The following CHRNA7 variants were observed in gnomAD, a reference collection of about 807,000 sequenced individuals.
CHRNA7 encodes the protein cholinergic receptor nicotinic alpha 7 subunit.
In CHRNA7, 17 loss-of-function variants were observed where a neutral mutation model predicts 48.0. That is an observed-to-expected ratio of 0.35 (90% CI 0.24 to 0.53). The LOEUF (loss-of-function observed/expected upper bound fraction) is 0.53. CHRNA7 is among the 20% of genes least tolerant of loss of function. CHRNA7 has a pLI of 0.92. For synonymous variants in CHRNA7, 75 were observed against 242.3 expected (o/e 0.31, Z 6.41); for missense variants, 155 against 577.7 (o/e 0.27, Z 7.50).
chr15:32,119,034 C>T (rs1201380393), intron 4 of CHRNA7, among the ~76,000 whole-genome samples: 2 of 151,900 alleles, frequency 1.3e-5, no homozygotes, highest in Admixed American at 6.6e-5. Flanking sequence ...AAAGACACCT[C>T]GGTTCCTACA....
intron 2 of CHRNA7, among the ~76,000 whole-genome samples, chr15:32,048,836 T>G (rs932991489): frequency 1.3e-5 from 2 of 151,996 alleles, no homozygotes; most frequent in Non-Finnish European, 2.9e-5. Flanking sequence ...TAGACACTGC[T>G]TTGAATGCAT....
At chr15:32,086,053 A>G (rs72713579) in intron 2 of CHRNA7, among the ~76,000 whole-genome samples, 12,798 of 152,160 alleles carry the variant, frequency 0.084, 711 homozygotes, top group African/African-American at 0.14. Context: ...CTCCCTTGTA[A>G]TATCTTCAAG....
At chr15:32,113,084 G>A (rs1262986765) in intron 4 of CHRNA7, among the ~76,000 whole-genome samples, 2 of 152,070 alleles carry the variant, frequency 1.3e-5, no homozygotes, top group African/African-American at 4.8e-5. Flanking sequence ...GTTTGCCAAG[G>A]CTGCTGTAAC....
At chr15:32,034,811 A>G (rs191799593) in intron 2 of CHRNA7, among the ~76,000 whole-genome samples, 1 of 152,350 alleles carries the variant, frequency 6.6e-6, no homozygotes, top group Non-Finnish European at 1.5e-5. Context: ...CTGTTATTCA[A>G]CAGGCTCCTT....
chr15:32,152,725 G>C (rs2051656869), intron 4 of CHRNA7, among the ~76,000 whole-genome samples: 1 of 152,186 alleles, frequency 6.6e-6, no homozygotes, highest in Non-Finnish European at 1.5e-5. Context: ...CCTGATAAAG[G>C]ATGTGTTTGG....
intron 3 of CHRNA7, chr15:32,102,636 A>G (rs1167237461): frequency 3.3e-5 from 5 of 152,336 alleles, no homozygotes; most frequent in East Asian, 3.9e-4. Context: ...ATAAATTTTT[A>G]TTGGCAATTT....
At chr15:32,049,124 T>C (rs2049615503) in intron 2 of CHRNA7, among the ~76,000 whole-genome samples, 1 of 151,546 alleles carries the variant, frequency 6.6e-6, no homozygotes, top group South Asian at 2.1e-4. Context: ...TATATTCTGT[T>C]GATTTGGGGT....
intron 4 of CHRNA7, among the ~76,000 whole-genome samples, chr15:32,127,968 T>C (rs2051096751): frequency 1.3e-5 from 2 of 152,086 alleles, no homozygotes; most frequent in South Asian, 4.1e-4. Context: ...GTCTGTTCTT[T>C]AAGTTGATGT....
Position 32,081,509 on chromosome 15 carries a change from A to G in CHRNA7, c.196-19794A>G, listed in dbSNP as rs184580780. On this transcript the variant is annotated intron_variant, in intron 2 of 9. Transcript: ENST00000306901. ...TGTGTCCCAGTGGAACTCTTTGTGT[A>G]TATATAAATTATTCCAATGAGTAAT... Among the ~76,000 whole-genome samples, 222 of 152,198 alleles carry G rather than the reference A, an allele frequency of 1.5e-3. 2 individuals are homozygous for G. The highest frequency in any genetic ancestry group is 5.0e-3 in the African/African-American group (207 of 41,524).
chr15:32,103,539 A>G (rs1164956509), intron 3 of CHRNA7, among the ~76,000 whole-genome samples: 1 of 152,092 alleles, frequency 6.6e-6, no homozygotes, highest in East Asian at 1.9e-4. Flanking sequence ...AGAGCCCTTG[A>G]GATATTCCCT....
intron 2 of CHRNA7, among the ~76,000 whole-genome samples, chr15:32,065,472 G>A (rs2049948427): frequency 6.6e-6 from 1 of 152,218 alleles, no homozygotes; most frequent in Admixed American, 6.5e-5. Flanking sequence ...AGAAGTAATT[G>A]CTTAACCTTG....
At chr15:32,105,633 T>A (rs2050657384) in intron 3 of CHRNA7, among the ~76,000 whole-genome samples, 1 of 152,216 alleles carries the variant, frequency 6.6e-6, no homozygotes, top group Admixed American at 6.5e-5. Flanking sequence ...AAATCTCTGC[T>A]TTAAAGAAAT....
intron 2 of CHRNA7, chr15:32,099,884 T>G (rs769370562): frequency 6.6e-6 from 1 of 152,248 alleles, no homozygotes; most frequent in African/African-American, 2.4e-5. Flanking sequence ...AAATGGGATA[T>G]ATTTTTTCCT....
chr15:32,146,066 A>G (rs575404506), intron 4 of CHRNA7, among the ~76,000 whole-genome samples: 1 of 152,222 alleles, frequency 6.6e-6, no homozygotes, highest in African/African-American at 2.4e-5. Context: ...CCTATGTATA[A>G]GTCTTAACTA....
intron 2 of CHRNA7, among the ~76,000 whole-genome samples, chr15:32,043,405 C>T (rs1251383873): frequency 2.6e-5 from 4 of 152,140 alleles, no homozygotes; most frequent in Non-Finnish European, 5.9e-5. Flanking sequence ...TTTACTTCCA[C>T]TTACCCTTGT....
rs78842140 is a variant in CHRNA7, at chr15:32,037,250, G to C, written c.195+6213G>C. ...AGATCAGCTGATTATATTCATGTGA[G>C]TCTTATTTCTGGGTTCTCTGTTGTG... On this transcript the variant is annotated intron_variant, in intron 2 of 9. Transcript: ENST00000306901. Among the ~76,000 whole-genome samples the C allele has an allele frequency of 8.6e-3, 1,310 of 152,246 alleles. 24 individuals are homozygous for C. The highest frequency in any genetic ancestry group is 0.03 in the African/African-American group (1,248 of 41,556).
At chr15:32,098,229 G>A (rs1353251220) in intron 2 of CHRNA7, among the ~76,000 whole-genome samples, 7 of 152,154 alleles carry the variant, frequency 4.6e-5, no homozygotes, top group African/African-American at 1.7e-4. Context: ...CAGGAAGCAG[G>A]GGGCTGAGCT....
chr15:32,092,615 A>G (rs759252840), intron 2 of CHRNA7, among the ~76,000 whole-genome samples: 26 of 152,128 alleles, frequency 1.7e-4, no homozygotes, highest in Non-Finnish European at 1.3e-4. Context: ...TTTTTATGTT[A>G]TACTTTCCTG....
intron 4 of CHRNA7, among the ~76,000 whole-genome samples, chr15:32,136,229 G>A (rs1011888960): frequency 6.6e-6 from 1 of 152,194 alleles, no homozygotes; most frequent in Non-Finnish European, 1.5e-5. Flanking sequence ...AGGGGCTCAT[G>A]CCTGTAGTCC....
Sources: gnomAD v4.1 joint callset for allele counts (sites outside exome capture counted in the v4.1 genomes callset) on GRCh38, gnomAD v4.1.1 for gene constraint, MANE v1.5 for transcripts, NCBI Gene and HGNC (gene_info 2026-07-23, HGNC 2026-07-21) for gene names.